Variants in PDE5A observed in about 807,000 individuals in gnomAD.
The protein encoded by PDE5A is cGMP-specific 3',5'-cyclic phosphodiesterase.
Under a neutral mutation model 110.2 loss-of-function variants are expected in PDE5A, and 67 were observed. The ratio of observed to expected loss-of-function variants is 0.61; its 90% CI spans 0.50 to 0.75. The LOEUF (loss-of-function observed/expected upper bound fraction) is 0.75, where lower values mean the gene tolerates loss of function less well. PDE5A is among the 30% of genes least tolerant of loss of function. The probability of loss-of-function intolerance (pLI) is 0.00; values close to 1 mark genes in which losing one functional copy is unlikely to be tolerated. For synonymous variants in PDE5A, 328 were observed against 351.2 expected, an observed-to-expected ratio of 0.93 and a Z score of 0.74; for missense variants, 862 against 1,045.1, an observed-to-expected ratio of 0.82 and a Z score of 2.42.
chr4:119,613,522 T>C (rs1443261102), intron 1 of PDE5A, among the ~76,000 whole-genome samples: 3 of 152,140 alleles, frequency 2.0e-5, no homozygotes, highest in Admixed American at 6.6e-5. Context: ...TCAGAAGTTA[T>C]ATACATATTG....
chr4:119,569,554 T>C (rs1728070508), intron 3 of PDE5A: 1 of 150,834 alleles, frequency 6.6e-6, no homozygotes, highest in Non-Finnish European at 1.5e-5. Context: ...CAGGAAAATA[T>C]AGTTGGTCCT....
At chr4:119,574,828 T>G (rs1728273858) in intron 3 of PDE5A, among the ~76,000 whole-genome samples, 1 of 152,138 alleles carries the variant, frequency 6.6e-6, no homozygotes, top group African/African-American at 2.4e-5. Flanking sequence ...AAAGCAAAAC[T>G]AATTTGTGGT....
chr4:119,580,121 G>T (rs1293130133), intron 3 of PDE5A, among the ~76,000 whole-genome samples: 1 of 152,096 alleles, frequency 6.6e-6, no homozygotes, highest in Non-Finnish European at 1.5e-5. Context: ...ACCTGAGACT[G>T]GGGTTCTTCC....
intron 4 of PDE5A, among the ~76,000 whole-genome samples, chr4:119,565,946 AATT>A (rs959303042): frequency 9.3e-5 from 13 of 140,514 alleles, no homozygotes; most frequent in African/African-American, 2.3e-4. Flanking sequence ...ATTGACTATT[AATT>A]ATTATTAATT....
chr4:119,614,521 C>A (rs1022665056), intron 1 of PDE5A, among the ~76,000 whole-genome samples: 1 of 152,026 alleles, frequency 6.6e-6, no homozygotes, highest in Admixed American at 6.6e-5. Context: ...AAGTTCCAGG[C>A]TATCAAATCG....
At chr4:119,517,498 AC>A (rs1463955660) in intron 14 of PDE5A, among the ~76,000 whole-genome samples, 2 of 140,456 alleles carry the variant, frequency 1.4e-5, no homozygotes, top group Admixed American at 1.4e-4. Flanking sequence ...AACTGCTTTA[AC>A]TTTTTTTTTT....
chr4:119,623,144 A>C (rs186009032), intron 1 of PDE5A, among the ~76,000 whole-genome samples: 1 of 152,234 alleles, frequency 6.6e-6, no homozygotes, highest in Admixed American at 6.5e-5. Flanking sequence ...TTCAATTTTT[A>C]TTCCTAGGTA....
intron 3 of PDE5A, among the ~76,000 whole-genome samples, chr4:119,592,382 C>T (rs529978218): frequency 6.3e-5 from 9 of 142,122 alleles, no homozygotes; most frequent in East Asian, 2.2e-4. Context: ...GGCGCAAACC[C>T]GGGAGGCGGA....
At position 119,560,349 on chromosome 4, in the gene PDE5A, A is replaced by T; in HGVS notation, c.1146T>A (p.Ser382Arg). The change falls in exon 7 of 21, where the codon AGT becomes AGA. Residue 382 changes from serine (S) to arginine (R), a missense_variant. Coordinates refer to ENST00000354960, the MANE Select transcript of PDE5A (RefSeq NM_001083.4). ...VDEDCSDSFSSVFHMECEELE... is the reference protein window; with the variant it reads ...VDEDCSDSFSRVFHMECEELE... Reference sequence around the variant, plus strand: ...ATTCCTCACACTCCATGTGAAACACACTAGAAAAAGAATCCTAAAAACAGA... The same window carrying T: ...ATTCCTCACACTCCATGTGAAACACTCTAGAAAAAGAATCCTAAAAACAGA... The T allele has an allele frequency of 6.3e-7, 1 of 1,585,672 alleles. No homozygotes were observed. The highest frequency in any genetic ancestry group is 8.6e-7 in the Non-Finnish European group (1 of 1,166,776).
chr4:119,623,455 T>C (rs2110568096), intron 1 of PDE5A, among the ~76,000 whole-genome samples: 1 of 152,346 alleles, frequency 6.6e-6, no homozygotes, highest in Non-Finnish European at 1.5e-5. Context: ...AGAACAAATA[T>C]AGCTTGACAC....
At chr4:119,613,068 G>T (rs1279975620) in intron 1 of PDE5A, among the ~76,000 whole-genome samples, 2 of 152,266 alleles carry the variant, frequency 1.3e-5, no homozygotes, top group African/African-American at 4.8e-5. Flanking sequence ...AGCTGATGAA[G>T]CCTTCAAATA....
At chr4:119,536,231 GACT>G (rs1266971572) in intron 11 of PDE5A, among the ~76,000 whole-genome samples, 9 of 152,056 alleles carry the variant, frequency 5.9e-5, no homozygotes, top group African/African-American at 9.7e-5. Flanking sequence ...TTTTCTGAAA[GACT>G]ACTATTTTCA....
chr4:119,576,182 T>C (rs549921869), intron 3 of PDE5A, among the ~76,000 whole-genome samples: 1 of 152,156 alleles, frequency 6.6e-6, no homozygotes, highest in African/African-American at 2.4e-5. Flanking sequence ...CCCAGATTCA[T>C]AAAGCAAGTC....
At chr4:119,506,884 A>T (rs1725575616) in intron 16 of PDE5A, among the ~76,000 whole-genome samples, 1 of 152,024 alleles carries the variant, frequency 6.6e-6, no homozygotes, top group East Asian at 1.9e-4. Flanking sequence ...AAGAGTAACT[A>T]CAACCATGAA....
At chr4:119,608,102 A>G (rs537570549) in intron 1 of PDE5A, among the ~76,000 whole-genome samples, 90 of 152,326 alleles carry the variant, frequency 5.9e-4, no homozygotes, top group African/African-American at 2.1e-3. Context: ...GGATTAATGA[A>G]AGAAACAAAT....
rs141906932 is a variant in PDE5A, at chr4:119,561,957, T to A, written c.1131+876A>T. Among the ~76,000 whole-genome samples the A allele has an allele frequency of 1.1e-4, 17 of 152,310 alleles. 1 individual carries two copies. In the East Asian group the frequency reaches 3.3e-3, roughly 29 times the overall value. ...ATTCTACTTTGCCCCAAAACATAAC[T>A]TCGGATATCATATGTAGATTATAAT... On this transcript the variant is annotated intron_variant, in intron 6 of 20. Coordinates refer to ENST00000354960, the MANE Select transcript of PDE5A (RefSeq NM_001083.4).
At chr4:119,503,983 T>C (rs1296546938) in intron 18 of PDE5A, among the ~76,000 whole-genome samples, 1 of 152,068 alleles carries the variant, frequency 6.6e-6, no homozygotes, top group Non-Finnish European at 1.5e-5. Flanking sequence ...GGGGTATATG[T>C]GCATGTCTGG....
At chr4:119,596,390 C>G in intron 3 of PDE5A, 133 bp downstream of exon 3, 1 of 452,952 alleles carries the variant, frequency 2.2e-6, no homozygotes, top group East Asian at 3.5e-5. Context: ...AAAAATCAAG[C>G]AGAACATTTA....
chr4:119,560,742 C>T (rs1019371628), intron 6 of PDE5A, among the ~76,000 whole-genome samples: 4 of 152,104 alleles, frequency 2.6e-5, no homozygotes, highest in African/African-American at 7.2e-5. Context: ...TAAAGAATCC[C>T]TTCTTAAAAA....
Sources: allele counts gnomAD v4.1 joint callset (sites outside exome capture counted in the v4.1 genomes callset), GRCh38; gene constraint gnomAD v4.1.1; transcripts MANE v1.5; gene names NCBI Gene and HGNC (gene_info 2026-07-23, HGNC 2026-07-21).